The following TRPC7 variants were observed in gnomAD, a reference collection of about 807,000 sequenced individuals.
The protein encoded by TRPC7 is transient receptor potential cation channel subfamily C member 7.
Under a neutral mutation model 90.1 loss-of-function variants are expected in TRPC7, and 42 were observed. The ratio of observed to expected loss-of-function variants is 0.47; its 90% confidence interval spans 0.36 to 0.60. The LOEUF (loss-of-function observed/expected upper bound fraction) is 0.60. Among genes scored for constraint, TRPC7 ranks in the 20% least tolerant of loss-of-function variants. The pLI, the probability that TRPC7 is intolerant of heterozygous loss-of-function variation, is 0.00. For synonymous variants in TRPC7, 451 were observed against 436.3 expected (o/e 1.03, Z -0.42); for missense variants, 955 against 1,112.3 (o/e 0.86, Z 2.01).
chr5:136,222,597 G>A (rs1755496856), intron 10 of TRPC7, among the ~76,000 whole-genome samples: 1 of 152,214 alleles, frequency 6.6e-6, no homozygotes, highest in Admixed American at 6.5e-5. Flanking sequence ...CCTTGCTGCT[G>A]TTGACAGCAA....
chr5:136,291,631 G>A (rs573383546), intron 3 of TRPC7, among the ~76,000 whole-genome samples: 1 of 152,268 alleles, frequency 6.6e-6, no homozygotes, highest in East Asian at 1.9e-4. Context: ...GGAGCACCCA[G>A]GTTCATAAAG....
intron 10 of TRPC7, among the ~76,000 whole-genome samples, chr5:136,219,655 A>G (rs1476165552): frequency 6.6e-6 from 1 of 152,188 alleles, no homozygotes; most frequent in African/African-American, 2.4e-5. Flanking sequence ...AGTCCCAGCT[A>G]CCTGGCAGGT....
chr5:136,237,653 G>A (rs954880768), intron 7 of TRPC7, among the ~76,000 whole-genome samples: 1 of 152,176 alleles, frequency 6.6e-6, no homozygotes, highest in African/African-American at 2.4e-5. Context: ...GCTGTAAAAT[G>A]GGAAAACAGT....
At chr5:136,266,082 T>C in intron 5 of TRPC7, 138 bp downstream of exon 5, 1 of 756,110 alleles carries the variant, frequency 1.3e-6, no homozygotes, top group Non-Finnish European at 2.2e-6. Context: ...TGACTCTGAC[T>C]TTCTTGTTGG....
intron 2 of TRPC7, among the ~76,000 whole-genome samples, chr5:136,354,347 T>C (rs1404856881): frequency 6.6e-6 from 1 of 152,236 alleles, no homozygotes; most frequent in African/African-American, 2.4e-5. Context: ...GATGAGACCA[T>C]ACAATGTAGG....
In TRPC7 at chr5:136,231,370, G is replaced by T; in HGVS notation, c.2024C>A (p.Ser675Tyr). ...LNMLIAMINN[S>Y]YQEIEEDADV... ...TGGCCTTACCTCAATTTCCTGATAG[G>T]AGTTGTTTATCATGGCTATTAGCAT... Residue 675 changes from serine to tyrosine, a missense_variant, in exon 8 of 12, where the codon TCC becomes TAC. By Grantham distance (144) the Ser-to-Tyr change is moderately radical. Coordinates refer to ENST00000513104, the MANE Select transcript of TRPC7 (RefSeq NM_020389.3). 1 of 1,594,802 alleles carries T rather than the reference G, an allele frequency of 6.3e-7. No individual in the cohort carries two copies. The highest frequency in any genetic ancestry group is 8.6e-7 in the Non-Finnish European group (1 of 1,165,074).
chr5:136,275,487 C>G (rs1757336867), intron 3 of TRPC7, among the ~76,000 whole-genome samples: 1 of 152,146 alleles, frequency 6.6e-6, no homozygotes, highest in African/African-American at 2.4e-5. Flanking sequence ...CTCACTGGAT[C>G]CCAGTGGTGT....
chr5:136,240,363 C>A (rs1392378649), intron 7 of TRPC7, among the ~76,000 whole-genome samples: 13 of 152,204 alleles, frequency 8.5e-5, no homozygotes, highest in Admixed American at 7.9e-4. Flanking sequence ...CCCCACTGAT[C>A]CATGAGTTTC....
chr5:136,286,205 C>T (rs1196036774), intron 3 of TRPC7, among the ~76,000 whole-genome samples: 1 of 152,200 alleles, frequency 6.6e-6, no homozygotes, highest in Non-Finnish European at 1.5e-5. Context: ...CTCTCTCCTC[C>T]TGAGGTAAAC....
rs1273456250 is a variant in TRPC7 at position 136,357,324 on chromosome 5, G to A, written c.64C>T (p.Arg22Cys). The A allele has an allele frequency of 1.2e-6, 2 of 1,607,276 alleles. No individual in the cohort carries two copies. Among genetic ancestry groups the A allele is most frequent in the South Asian group, 1.1e-5 (1 of 91,068 alleles). Residue 22 changes from arginine to cysteine, a missense_variant, in exon 2 of 12, where the codon CGT (arginine) becomes TGT (cysteine). Coordinates refer to ENST00000513104, the MANE Select transcript of TRPC7 (RefSeq NM_020389.3). ...RRHTTLREKGRRQAIRGPAYM... is the reference protein window; with the variant it reads ...RRHTTLREKGCRQAIRGPAYM... ...GCGGGACCCCGGATGGCCTGGCGAC[G>A]GCCCTTCTCCCTCAGCGTTGTGTGC...
chr5:136,248,359 T>A (rs1756412359), intron 6 of TRPC7, among the ~76,000 whole-genome samples: 1 of 152,126 alleles, frequency 6.6e-6, no homozygotes, highest in Non-Finnish European at 1.5e-5. Context: ...GTGGAGAGGA[T>A]GAAATGAAAT....
intron 2 of TRPC7, among the ~76,000 whole-genome samples, chr5:136,326,539 G>A (rs535849572): frequency 3.9e-5 from 6 of 152,280 alleles, no homozygotes; most frequent in African/African-American, 1.4e-4. Flanking sequence ...TTGGGGAGAG[G>A]AGAGAGTAGA....
chr5:136,330,335 G>T (rs1759463060), intron 2 of TRPC7, among the ~76,000 whole-genome samples: 1 of 152,194 alleles, frequency 6.6e-6, no homozygotes, highest in South Asian at 2.1e-4. Flanking sequence ...TTATCTCATT[G>T]AATTCTCATG....
intron 3 of TRPC7, among the ~76,000 whole-genome samples, chr5:136,305,920 C>T (rs897826169): frequency 3.9e-5 from 6 of 152,180 alleles, no homozygotes; most frequent in African/African-American, 1.4e-4. Flanking sequence ...AGAAGTCAGA[C>T]CTGTCCTTGG....
chr5:136,236,111 T>C (rs1035022149), intron 7 of TRPC7, among the ~76,000 whole-genome samples: 2 of 152,234 alleles, frequency 1.3e-5, no homozygotes. Flanking sequence ...CATATATTTA[T>C]TGAACTATGT....
At chr5:136,278,606 G>A (rs975036404) in intron 3 of TRPC7, among the ~76,000 whole-genome samples, 64 of 152,196 alleles carry the variant, frequency 4.2e-4, no homozygotes, top group Non-Finnish European at 5.1e-4. Context: ...AGTTGAGCTA[G>A]GGGTTTAAAG....
intron 4 of TRPC7, among the ~76,000 whole-genome samples, chr5:136,268,332 G>A (rs1030366581): frequency 6.6e-6 from 1 of 152,106 alleles, no homozygotes; most frequent in Non-Finnish European, 1.5e-5. Context: ...TAGATGAGGA[G>A]AGGGGAGACT....
chr5:136,326,036 G>T (rs1759333778), intron 2 of TRPC7, among the ~76,000 whole-genome samples: 1 of 152,176 alleles, frequency 6.6e-6, no homozygotes, highest in Admixed American at 6.5e-5. Flanking sequence ...CCTTTAATTA[G>T]CCACAGACCA....
rs139289416 is a variant in TRPC7 at position 136,309,078 on chromosome 5, T to C, written c.963+6519A>G. On this transcript the variant is annotated intron_variant, in intron 3 of 11. Transcript: ENST00000513104. ...GAGCTAGGGGCAATGTGGGTTGAAA[T>C]GGTCCCCCATCCCCTCCTCTCTAAG... Among the ~76,000 whole-genome samples, 27 of 152,278 alleles carry C rather than the reference T, an allele frequency of 1.8e-4. 1 individual carries two copies. The East Asian group carries it at 5.2e-3, about 29-fold the overall frequency.
Sources: gnomAD v4.1 joint callset for allele counts (sites outside exome capture counted in the v4.1 genomes callset) on GRCh38, gnomAD v4.1.1 for gene constraint, MANE v1.5 for transcripts, NCBI Gene and HGNC (gene_info 2026-07-23, HGNC 2026-07-21) for gene names.